Variants in RGS7 observed in about 807,000 individuals in gnomAD.
RGS7 encodes regulator of G-protein signaling 7.
A neutral mutation model predicts 81.1 loss-of-function variants in RGS7; 27 were observed. That is an observed-to-expected ratio of 0.33 (90% CI 0.25 to 0.46). The LOEUF (loss-of-function observed/expected upper bound fraction) is 0.46, where lower values mean the gene tolerates loss of function less well. Ranked by LOEUF, RGS7 falls within the 20% of genes least tolerant of loss-of-function variation. The pLI is 1.00. For missense variants in RGS7, 396 were observed against 607.4 expected, an observed-to-expected ratio of 0.65 and a Z score of 3.66; for synonymous variants, 208 against 207.7, an observed-to-expected ratio of 1.00 and a Z score of -0.01.
rs184452829 is a variant in RGS7 at position 241,327,815 on chromosome 1, A to G, written c.78+27884T>C. 3.1e-3 allele frequency among the ~76,000 whole-genome samples: 478 copies of G among 152,334 alleles called. 6 individuals carry two copies. The highest frequency in any genetic ancestry group is 3.0e-3 in the Non-Finnish European group (203 of 68,018). ...TGAAATTCCTACAGGAAAAATAGCT[A>G]TAATTACAGATCTAAATTATCCTTT... On this transcript the variant is annotated intron_variant, in intron 2 of 18. Transcript: ENST00000440928.
At chr1:241,220,958 GAA>G (rs1558202640) in intron 2 of RGS7, among the ~76,000 whole-genome samples, 4 of 43,220 alleles carry the variant, frequency 9.3e-5, no homozygotes, top group Non-Finnish European at 2.2e-4. Context: ...AGCAAGGAAG[GAA>G]GGAAGGAAGG....
At chr1:240,957,610 A>T (rs1015592724) in intron 4 of RGS7, among the ~76,000 whole-genome samples, 5 of 152,236 alleles carry the variant, frequency 3.3e-5, no homozygotes, top group Admixed American at 2.6e-4. Flanking sequence ...AAAATAAAGG[A>T]AATCAGAAAG....
At chr1:240,923,791 T>G (rs960207125) in intron 6 of RGS7, among the ~76,000 whole-genome samples, 2 of 151,868 alleles carry the variant, frequency 1.3e-5, no homozygotes, top group Non-Finnish European at 2.9e-5. Context: ...GATAAAGAAA[T>G]AAATAATGTC....
chr1:240,776,466 A>G (rs565496766), intron 18 of RGS7, among the ~76,000 whole-genome samples: 2 of 151,842 alleles, frequency 1.3e-5, no homozygotes, highest in African/African-American at 4.8e-5. Context: ...CCCCACTGCA[A>G]ACAGACTGAT....
chr1:241,003,332 G>T (rs982942806), intron 3 of RGS7, among the ~76,000 whole-genome samples: 2 of 151,840 alleles, frequency 1.3e-5, no homozygotes, highest in African/African-American at 4.8e-5. Flanking sequence ...GTCGTGGCAG[G>T]TGCCTGTAGT....
intron 2 of RGS7, among the ~76,000 whole-genome samples, chr1:241,209,294 G>C (rs947337550): frequency 1.3e-5 from 2 of 152,034 alleles, no homozygotes; most frequent in Non-Finnish European, 2.9e-5. Flanking sequence ...TTGAATAAAG[G>C]GATCTGATTC....
chr1:241,044,373 G>A (rs751259891), intron 3 of RGS7, among the ~76,000 whole-genome samples: 17 of 152,076 alleles, frequency 1.1e-4, no homozygotes, highest in South Asian at 4.1e-4. Context: ...GCCTCTCAAA[G>A]TGTTGGGAAT....
intron 2 of RGS7, among the ~76,000 whole-genome samples, chr1:241,149,051 T>C (rs1187850799): frequency 6.6e-6 from 1 of 152,228 alleles, no homozygotes; most frequent in Non-Finnish European, 1.5e-5. Context: ...ATATCTGTGG[T>C]TCCAATTCAA....
At chr1:241,032,152 A>G (rs1000556809) in intron 3 of RGS7, among the ~76,000 whole-genome samples, 13 of 152,336 alleles carry the variant, frequency 8.5e-5, no homozygotes, top group African/African-American at 3.1e-4. Flanking sequence ...TGACTTTTGT[A>G]TATGGTGAAA....
At chr1:241,008,350 A>G (rs1481665033) in intron 3 of RGS7, among the ~76,000 whole-genome samples, 1 of 152,194 alleles carries the variant, frequency 6.6e-6, no homozygotes, top group Non-Finnish European at 1.5e-5. Context: ...AACTTCTCAC[A>G]TTTCAATGTG....
intron 2 of RGS7, among the ~76,000 whole-genome samples, chr1:241,321,264 T>C (rs1007773471): frequency 2.6e-5 from 4 of 152,158 alleles, no homozygotes; most frequent in African/African-American, 9.7e-5. Context: ...ATATCTCAAA[T>C]TTGAACTTTA....
At chr1:241,092,703 T>A (rs1015710603) in intron 3 of RGS7, among the ~76,000 whole-genome samples, 2 of 152,172 alleles carry the variant, frequency 1.3e-5, no homozygotes, top group Non-Finnish European at 2.9e-5. Flanking sequence ...TATCCCCACT[T>A]GTATGGGGCA....
chr1:241,289,625 G>C (rs2078991465), intron 2 of RGS7, among the ~76,000 whole-genome samples: 1 of 152,102 alleles, frequency 6.6e-6, no homozygotes, highest in African/African-American at 2.4e-5. Context: ...GGTACACTTG[G>C]TTCACTCACC....
chr1:240,819,629 T>A (rs185840362), intron 10 of RGS7, among the ~76,000 whole-genome samples: 1 of 152,130 alleles, frequency 6.6e-6, no homozygotes, highest in Admixed American at 6.5e-5. Flanking sequence ...TCCCAGCTAC[T>A]TGGGAGGCTG....
chr1:241,142,386 C>T (rs546865211), intron 2 of RGS7, among the ~76,000 whole-genome samples: 1 of 152,290 alleles, frequency 6.6e-6, no homozygotes, highest in Non-Finnish European at 1.5e-5. Flanking sequence ...AAGCCCTGCC[C>T]CTGTAGCAGA....
intron 3 of RGS7, among the ~76,000 whole-genome samples, chr1:241,042,993 G>A (rs1447255184): frequency 6.7e-6 from 1 of 150,246 alleles, no homozygotes; most frequent in African/African-American, 2.4e-5. Flanking sequence ...CTTTATCCTA[G>A]TGTAATTATT....
At chr1:240,895,863 G>A (rs1215793198) in intron 6 of RGS7, among the ~76,000 whole-genome samples, 3 of 152,092 alleles carry the variant, frequency 2.0e-5, no homozygotes, top group Non-Finnish European at 2.9e-5. Context: ...GAATCACTGC[G>A]CTGTCTTCCA....
chr1:241,072,952 A>C (rs1006870882), intron 3 of RGS7, among the ~76,000 whole-genome samples: 1 of 152,080 alleles, frequency 6.6e-6, no homozygotes, highest in Non-Finnish European at 1.5e-5. Context: ...GGCTGCATGG[A>C]GTAGGGGAAG....
intron 18 of RGS7, among the ~76,000 whole-genome samples, chr1:240,781,413 C>A (rs964621413): frequency 6.6e-6 from 1 of 152,124 alleles, no homozygotes; most frequent in Non-Finnish European, 1.5e-5. Flanking sequence ...CGAGACCAGT[C>A]TGGCCAACAT....
Sources: gnomAD v4.1 joint callset for allele counts (sites outside exome capture counted in the v4.1 genomes callset) on GRCh38, gnomAD v4.1.1 for gene constraint, MANE v1.5 for transcripts, NCBI Gene and HGNC (gene_info 2026-07-23, HGNC 2026-07-21) for gene names.